Variants in GAREM1 observed in about 807,000 individuals in gnomAD.
GAREM1 encodes GRB2-associated and regulator of MAPK protein 1.
A neutral mutation model predicts 71.3 loss-of-function variants in GAREM1; 26 were observed. The ratio of observed to expected loss-of-function variants is 0.36; its 90% CI spans 0.27 to 0.51. The LOEUF (loss-of-function observed/expected upper bound fraction) is 0.51, where lower values mean the gene tolerates loss of function less well. Ranked by LOEUF, GAREM1 falls within the 20% of genes least tolerant of loss-of-function variation. The pLI is 0.95. For synonymous variants in GAREM1, 440 were observed against 433.2 expected, an observed-to-expected ratio of 1.02 and a Z score of -0.20; for missense variants, 1,026 against 1,103.1, an observed-to-expected ratio of 0.93 and a Z score of 0.99.
chr18:32,314,343 G>A (rs954198376), intron 2 of GAREM1, among the ~76,000 whole-genome samples: 3 of 152,106 alleles, frequency 2.0e-5, no homozygotes, highest in Admixed American at 1.3e-4. Flanking sequence ...ATTAGTCTAA[G>A]TTAGACAGAT....
At chr18:32,409,567 CAA>C (rs2048398294) in intron 1 of GAREM1, among the ~76,000 whole-genome samples, 1 of 151,952 alleles carries the variant, frequency 6.6e-6, no homozygotes, top group Admixed American at 6.6e-5. Flanking sequence ...ATGCATGAAA[CAA>C]AAGAGAAAAA....
At chr18:32,326,642 T>C (rs1254622432) in intron 2 of GAREM1, among the ~76,000 whole-genome samples, 5 of 152,230 alleles carry the variant, frequency 3.3e-5, no homozygotes, top group Non-Finnish European at 7.3e-5. Context: ...GCAAATGGTT[T>C]TTCCCTTCCA....
chr18:32,376,004 G>A (rs1249447694), intron 2 of GAREM1, among the ~76,000 whole-genome samples: 6 of 151,946 alleles, frequency 3.9e-5, no homozygotes, highest in Admixed American at 6.6e-5. Context: ...AAAAAAATCC[G>A]GGCAATAATC....
At chr18:32,468,330 T>TA (rs1391858691) in intron 1 of GAREM1, among the ~76,000 whole-genome samples, 1 of 152,232 alleles carries the variant, frequency 6.6e-6, no homozygotes, top group Non-Finnish European at 1.5e-5. Context: ...TGGCAGCTAT[T>TA]AAAAATCATG....
chr18:32,364,023 T>TAC (rs1567980800), intron 2 of GAREM1, among the ~76,000 whole-genome samples: 2 of 70,888 alleles, frequency 2.8e-5, no homozygotes, highest in Non-Finnish European at 5.0e-5. Flanking sequence ...TATATATATA[T>TAC]ATATGTTTTT....
At chr18:32,304,885 T>C (rs926376432) in intron 3 of GAREM1, among the ~76,000 whole-genome samples, 7 of 152,148 alleles carry the variant, frequency 4.6e-5, no homozygotes, top group African/African-American at 1.7e-4. Context: ...GCTTGAAAAT[T>C]GTTAGTGCAG....
Position 32,263,774 on chromosome 18 carries a change from C to T in GAREM1, c.*4097G>A, listed in dbSNP as rs535897080. 1.8e-4 allele frequency: 28 copies of T among 152,236 alleles called. No homozygotes were observed. The highest frequency in any genetic ancestry group is 1.1e-3 in the Admixed American group (17 of 15,286). 9.4% of individuals were successfully genotyped at this position (152,236 alleles called of 1,614,324 possible). A position where few individuals can be genotyped will look rare whatever the true frequency, so the allele number is the denominator to read the frequency against. On this transcript the variant is annotated 3_prime_UTR_variant, in exon 6 of 6. Coordinates refer to ENST00000269209, the MANE Select transcript of GAREM1 (RefSeq NM_001242409.2). ...CCATTTAAGATAAACTCTCCAAATTCTTAACTGATTTCAATTTTTAGGCTT... is the reference window on the plus strand; with the variant it reads ...CCATTTAAGATAAACTCTCCAAATTTTTAACTGATTTCAATTTTTAGGCTT...
rs893279031 is a variant in GAREM1 at position 32,470,565 on chromosome 18, G to A, written c.-137C>T. The A allele has an allele frequency of 3.0e-5, 16 of 530,622 alleles. No individual in the cohort carries two copies. The highest frequency in any genetic ancestry group is 1.2e-4 in the African/African-American group (6 of 48,248). 32.9% of individuals were successfully genotyped at this position (530,622 alleles called of 1,614,324 possible). On this transcript the variant is annotated 5_prime_UTR_variant, in exon 1 of 6. Transcript: ENST00000269209. The surrounding 1 kb of genome is among the most constrained non-coding windows in gnomAD (Gnocchi z 4.4). ...GGCAGCTCCGGCCGCGGGCAGCCGG[G>A]GGGGCGCGGCGACTGGGGCGGCCCG...
chr18:32,354,590 T>C (rs1000244120), intron 2 of GAREM1, among the ~76,000 whole-genome samples: 3 of 152,118 alleles, frequency 2.0e-5, no homozygotes, highest in African/African-American at 7.2e-5. Context: ...CTAAAACTTC[T>C]CCGCAAAAGC....
chr18:32,426,220 G>T (rs1381172490), intron 1 of GAREM1, among the ~76,000 whole-genome samples: 1 of 151,772 alleles, frequency 6.6e-6, no homozygotes, highest in African/African-American at 2.4e-5. Context: ...GGGTTTCACC[G>T]TGTTAGCCCA....
intron 2 of GAREM1, among the ~76,000 whole-genome samples, chr18:32,387,322 T>C (rs2048157961): frequency 6.6e-6 from 1 of 152,204 alleles, no homozygotes; most frequent in African/African-American, 2.4e-5. Context: ...GAAGAGTGGG[T>C]GTGCAGGTTG....
intron 2 of GAREM1, among the ~76,000 whole-genome samples, chr18:32,381,524 G>GT (rs1194717438): frequency 3.3e-5 from 5 of 151,964 alleles, no homozygotes; most frequent in Admixed American, 6.5e-5. Flanking sequence ...CCTAAGTATC[G>GT]TTTTTTTCCT....
chr18:32,339,642 C>T (rs1035074395), intron 2 of GAREM1, among the ~76,000 whole-genome samples: 4 of 152,214 alleles, frequency 2.6e-5, no homozygotes, highest in African/African-American at 9.7e-5. Context: ...TGCCTGCCTC[C>T]ACTGGACAAT....
rs1420636002 is a variant in GAREM1 at position 32,470,726 on chromosome 18, G to T, written c.-298C>A. On this transcript the variant is annotated 5_prime_UTR_variant, in exon 1 of 6. Transcript: ENST00000269209. The surrounding 1 kb of genome is among the most constrained non-coding windows in gnomAD (Gnocchi z 4.4). Reference sequence around the variant, plus strand: ...CGGCGGCGGCCCGGGTGGCTGCGGCGGCTCCCGCTCCGCCTCCTCCTCTGG... The same window carrying T: ...CGGCGGCGGCCCGGGTGGCTGCGGCTGCTCCCGCTCCGCCTCCTCCTCTGG... Among the ~76,000 whole-genome samples, 1 of 149,686 alleles carries T rather than the reference G, an allele frequency of 6.7e-6. No individual in the cohort carries two copies. Among genetic ancestry groups the T allele is most frequent in the East Asian group, 2.0e-4 (1 of 5,116 alleles).
intron 4 of GAREM1, among the ~76,000 whole-genome samples, chr18:32,280,044 C>A (rs2041593135): frequency 6.6e-6 from 1 of 152,080 alleles, no homozygotes; most frequent in Admixed American, 6.5e-5. Flanking sequence ...ATGTCAAATG[C>A]CCTACGAAAC....
At chr18:32,363,920 A>ACACACACACACACACACACACACACAC (rs1408632288) in intron 2 of GAREM1, among the ~76,000 whole-genome samples, 17 of 146,706 alleles carry the variant, frequency 1.2e-4, no homozygotes, top group African/African-American at 4.2e-4. Flanking sequence ...ACACACACAT[A>ACACACACACACACACACACACACACAC]AAAAAATATA....
At chr18:32,405,444 C>T (rs908617737) in intron 1 of GAREM1, among the ~76,000 whole-genome samples, 2 of 152,178 alleles carry the variant, frequency 1.3e-5, no homozygotes, top group Non-Finnish European at 2.9e-5. Context: ...CTGATCCACA[C>T]ACCTTGGCCT....
At chr18:32,326,204 G>A (rs1053544522) in intron 2 of GAREM1, among the ~76,000 whole-genome samples, 3 of 152,160 alleles carry the variant, frequency 2.0e-5, no homozygotes, top group African/African-American at 4.8e-5. Context: ...CACTGCCACC[G>A]GGTTGGAGAC....
Position 32,457,226 on chromosome 18 carries a change from A to AGTGTGTGTGTGT in GAREM1, c.121+13070_121+13081dup, listed in dbSNP as rs566379367. 9.3e-4 allele frequency among the ~76,000 whole-genome samples: 76 copies of AGTGTGTGTGTGT among 81,970 alleles called. 1 individual carries two copies. Among genetic ancestry groups the AGTGTGTGTGTGT allele is most frequent in the African/African-American group, 1.2e-3 (28 of 23,996 alleles). The allele number at this position is 81,970 out of a possible 152,430, so 53.8% of individuals were successfully genotyped here. A position where few individuals can be genotyped will look rare whatever the true frequency, so the allele number is the denominator to read the frequency against. On this transcript the variant is annotated intron_variant, in intron 1 of 5. Coordinates refer to ENST00000269209, the MANE Select transcript of GAREM1 (RefSeq NM_001242409.2). ...GGGGGGGAGAGAGAGAGAGAGAGAG[A>AGTGTGTGTGTGT]GTGTGTGTGTGTGTGTGTGTGTGTG...
Sources: gnomAD v4.1 joint callset for allele counts (sites outside exome capture counted in the v4.1 genomes callset) on GRCh38, gnomAD v4.1.1 for gene constraint, Gnocchi (gnomAD v3.1) non-coding constraint, MANE v1.5 for transcripts, NCBI Gene and HGNC (gene_info 2026-07-23, HGNC 2026-07-21) for gene names.